ZNF420: variants seen among roughly 807,000 people sequenced by gnomAD.
The protein encoded by ZNF420 is ATM and p53-associated KZNF protein.
Under a neutral mutation model 44.7 loss-of-function variants are expected in ZNF420, and 31 were observed. That is an observed-to-expected ratio of 0.69 (90% CI 0.52 to 0.94). ZNF420 has a LOEUF of 0.94. Among genes scored for constraint, ZNF420 ranks in the 40% least tolerant of loss-of-function variants. The probability of loss-of-function intolerance (pLI) is 0.00; values close to 1 mark genes in which losing one functional copy is unlikely to be tolerated. For synonymous variants in ZNF420, 245 were observed against 267.4 expected (o/e 0.92, Z 0.82); for missense variants, 681 against 827.9 (o/e 0.82, Z 2.18).
At chr19:37,052,037 T>C (rs1967648373) in intron 1 of ZNF420, among the ~76,000 whole-genome samples, 1 of 152,236 alleles carries the variant, frequency 6.6e-6, no homozygotes, top group South Asian at 2.1e-4. Flanking sequence ...TTTATGAATC[T>C]GGGTGCTCCT....
intron 4 of ZNF420, among the ~76,000 whole-genome samples, chr19:37,093,792 G>T (rs1210685139): frequency 6.6e-6 from 1 of 152,176 alleles, no homozygotes; most frequent in Admixed American, 6.5e-5. Flanking sequence ...TAGGTTACTG[G>T]TTACCCAGCA....
At chr19:37,044,353 T>TA (rs1356700795) in intron 1 of ZNF420, among the ~76,000 whole-genome samples, 1 of 151,900 alleles carries the variant, frequency 6.6e-6, no homozygotes, top group Non-Finnish European at 1.5e-5. Context: ...ATTATCTTTG[T>TA]AAAAACAAAC....
chr19:37,103,113 C>G (rs1403784574), intron 4 of ZNF420, among the ~76,000 whole-genome samples: 1 of 152,044 alleles, frequency 6.6e-6, no homozygotes, highest in Non-Finnish European at 1.5e-5. Flanking sequence ...GCACTTAAGA[C>G]TGTAAATTTC....
chr19:37,013,429 A>G (rs1401418357), intron 1 of ZNF420, among the ~76,000 whole-genome samples: 1 of 152,146 alleles, frequency 6.6e-6, no homozygotes, highest in Admixed American at 6.6e-5. Context: ...GTGGCAGTGC[A>G]TCCGTGTCAA....
intron 1 of ZNF420, among the ~76,000 whole-genome samples, chr19:37,057,374 C>A (rs1276975667): frequency 2.6e-5 from 4 of 151,830 alleles, no homozygotes; most frequent in Non-Finnish European, 5.9e-5. Flanking sequence ...TCGTGGAGAG[C>A]AGAACCCCAA....
intron 4 of ZNF420, among the ~76,000 whole-genome samples, chr19:37,116,625 A>G (rs10408332): frequency 0.56 from 84,432 of 151,504 alleles, 24,959 homozygotes; most frequent in African/African-American, 0.75. Context: ...TGGGTGCAGC[A>G]CACTGTGTGC....
intron 1 of ZNF420, among the ~76,000 whole-genome samples, chr19:37,015,112 T>C (rs1450990669): frequency 6.6e-6 from 1 of 152,230 alleles, no homozygotes; most frequent in East Asian, 1.9e-4. Context: ...TGTGTGTTTC[T>C]GTGCGAGTGC....
chr19:37,067,979 T>A (rs1373936028), intron 1 of ZNF420, among the ~76,000 whole-genome samples: 13 of 152,122 alleles, frequency 8.5e-5, no homozygotes, highest in Admixed American at 7.2e-4. Flanking sequence ...GTGGTATTTT[T>A]AAAATATATA....
At chr19:37,055,114 C>T (rs949714483) in intron 1 of ZNF420, among the ~76,000 whole-genome samples, 1 of 152,176 alleles carries the variant, frequency 6.6e-6, no homozygotes, top group African/African-American at 2.4e-5. Flanking sequence ...CATGTGGAAG[C>T]TTACATCTGT....
intron 4 of ZNF420, among the ~76,000 whole-genome samples, chr19:37,122,965 T>A (rs1173821992): frequency 6.6e-6 from 1 of 152,224 alleles, no homozygotes; most frequent in African/African-American, 2.4e-5. Context: ...AAACCAGACT[T>A]TTCACAATCC....
intron 1 of ZNF420, among the ~76,000 whole-genome samples, chr19:37,029,818 T>C (rs962613846): frequency 6.6e-6 from 1 of 152,200 alleles, no homozygotes; most frequent in Admixed American, 6.5e-5. Flanking sequence ...ATTTTTTTCT[T>C]TTTTTAAATG....
chr19:37,009,906 T>A (rs1482720120), intron 1 of ZNF420, among the ~76,000 whole-genome samples: 1 of 151,866 alleles, frequency 6.6e-6, no homozygotes, highest in Non-Finnish European at 1.5e-5. Flanking sequence ...CTCCTGCGAG[T>A]CCGGCCCTAG....
intron 1 of ZNF420, among the ~76,000 whole-genome samples, chr19:37,039,752 T>C (rs1010569722): frequency 1.3e-5 from 2 of 151,764 alleles, no homozygotes; most frequent in African/African-American, 4.8e-5. Context: ...CCAGACTGGA[T>C]TGCAGTGGTG....
chr19:37,057,508 C>G (rs1308478648), intron 1 of ZNF420, among the ~76,000 whole-genome samples: 2 of 151,826 alleles, frequency 1.3e-5, no homozygotes, highest in South Asian at 2.1e-4. Flanking sequence ...CTCTCTTTCT[C>G]TGTGTGTGTG....
chr19:37,092,047 T>C (rs1599662484), intron 4 of ZNF420: 1 of 152,306 alleles, frequency 6.6e-6, no homozygotes, highest in Middle Eastern at 3.4e-3. Flanking sequence ...ATTGTTTTCT[T>C]CTGTAGTATT....
intron 1 of ZNF420, among the ~76,000 whole-genome samples, chr19:37,047,277 T>C (rs1321136921): frequency 6.6e-6 from 1 of 152,242 alleles, no homozygotes; most frequent in African/African-American, 2.4e-5. Context: ...AATTCAGTCA[T>C]GAAGGGAGAG....
chr19:37,060,828 C>T (rs1967863866), intron 1 of ZNF420, among the ~76,000 whole-genome samples: 1 of 152,066 alleles, frequency 6.6e-6, no homozygotes, highest in Admixed American at 6.5e-5. Context: ...CTCTCCTCCG[C>T]TCCGGGGTGG....
At chr19:37,036,571 A>G (rs1252686708) in intron 1 of ZNF420, among the ~76,000 whole-genome samples, 1 of 152,150 alleles carries the variant, frequency 6.6e-6, no homozygotes, top group Non-Finnish European at 1.5e-5. Context: ...GGTCATTCGT[A>G]TCCTTTGGTT....
At chr19:37,080,465 T>G (rs1968374975) in intron 2 of ZNF420, 77 bp downstream of exon 2, 2 of 152,780 alleles carry the variant, frequency 1.3e-5, no homozygotes, top group South Asian at 2.1e-4. Context: ...TTTTTGAAAT[T>G]TCTTGCCTTC....
Sources: allele counts gnomAD v4.1 joint callset (sites outside exome capture counted in the v4.1 genomes callset), GRCh38; gene constraint gnomAD v4.1.1; transcripts MANE v1.5; gene names NCBI Gene and HGNC (gene_info 2026-07-23, HGNC 2026-07-21).